The following LRP6 variants were observed in gnomAD, a reference collection of about 807,000 sequenced individuals.
The protein encoded by LRP6 is low-density lipoprotein receptor-related protein 6.
LRP6 carries 43 observed loss-of-function variants against 184.1 expected under a neutral mutation model. The ratio of observed to expected loss-of-function variants is 0.23; its 90% CI spans 0.18 to 0.30. The LOEUF is 0.30. Among genes scored for constraint, LRP6 ranks in the 10% least tolerant of loss-of-function variants. The pLI is 1.00. For missense variants in LRP6, 1,571 were observed against 2,005.3 expected (o/e 0.78, Z 4.14); for synonymous variants, 719 against 684.9 (o/e 1.05, Z -0.78).
chr12:12,193,225 T>C (rs1471095598), intron 3 of LRP6, among the ~76,000 whole-genome samples: 3 of 151,686 alleles, frequency 2.0e-5, no homozygotes, highest in African/African-American at 7.3e-5. Context: ...AAATACAAAA[T>C]ATGGAAACGT....
chr12:12,229,910 G>A (rs1864736933), intron 2 of LRP6, among the ~76,000 whole-genome samples: 1 of 152,262 alleles, frequency 6.6e-6, no homozygotes, highest in South Asian at 2.1e-4. Flanking sequence ...ATATGTACTT[G>A]ATAATGATTA....
chr12:12,212,976 G>A lies in LRP6; in HGVS notation c.450-9576C>T, dbSNP rs554336885. Among the ~76,000 whole-genome samples, 3 of 152,104 alleles carry A rather than the reference G, an allele frequency of 2.0e-5. No homozygotes were observed. The East Asian group carries it at 5.8e-4, about 29-fold the overall frequency. On this transcript the variant is annotated intron_variant, in intron 2 of 22. Transcript: ENST00000261349. ...AAATGCCAAAGAAATGTGTCACTGT[G>A]GATATTATAAAGATATTGTTGAATA...
chr12:12,207,463 G>A (rs2137052524), intron 2 of LRP6, among the ~76,000 whole-genome samples: 1 of 152,254 alleles, frequency 6.6e-6, no homozygotes, highest in Non-Finnish European at 1.5e-5. Context: ...GAACCTGGGA[G>A]GCAGAGGATG....
intron 1 of LRP6, among the ~76,000 whole-genome samples, chr12:12,252,692 T>C (rs1184354031): frequency 6.6e-6 from 1 of 152,172 alleles, no homozygotes. Flanking sequence ...TTCTTTAATC[T>C]TCTAGGTTGG....
chr12:12,170,230 T>C (rs929178859), intron 7 of LRP6, among the ~76,000 whole-genome samples: 1 of 151,980 alleles, frequency 6.6e-6, no homozygotes, highest in Non-Finnish European at 1.5e-5. Context: ...AGCTAGTCGG[T>C]AGGCTGAGGC....
chr12:12,234,046 T>C (rs1864865376), intron 2 of LRP6, among the ~76,000 whole-genome samples: 1 of 151,636 alleles, frequency 6.6e-6, no homozygotes, highest in Non-Finnish European at 1.5e-5. Flanking sequence ...TTCCGGCACT[T>C]TGGGAGGCCG....
At chr12:12,223,270 G>C (rs1308003602) in intron 2 of LRP6, among the ~76,000 whole-genome samples, 1 of 151,086 alleles carries the variant, frequency 6.6e-6, no homozygotes, top group Non-Finnish European at 1.5e-5. Context: ...CTCCCAGAAT[G>C]ACTGGGAAAT....
intron 2 of LRP6, among the ~76,000 whole-genome samples, chr12:12,221,679 C>G (rs1458886670): frequency 6.6e-6 from 1 of 152,164 alleles, no homozygotes; most frequent in Non-Finnish European, 1.5e-5. Context: ...GGCTTAGAAC[C>G]AGTGAAGAGG....
intron 9 of LRP6, 128 bp downstream of exon 9, chr12:12,164,145 A>AG: frequency 1.2e-6 from 1 of 824,576 alleles, no homozygotes; most frequent in East Asian, 2.6e-5. Context: ...AAAAAAAAAA[A>AG]CTTGAGGGTT....
At chr12:12,145,338 TG>T (rs1465760548) in intron 15 of LRP6, among the ~76,000 whole-genome samples, 4 of 151,632 alleles carry the variant, frequency 2.6e-5, no homozygotes, top group East Asian at 3.9e-4. Context: ...AAAAAAAATG[TG>T]AAAAAAAGAT....
chr12:12,152,325 T>C (rs1950093229), intron 12 of LRP6, among the ~76,000 whole-genome samples: 1 of 152,130 alleles, frequency 6.6e-6, no homozygotes, highest in East Asian at 1.9e-4. Flanking sequence ...ATCAACCGCA[T>C]GAAAATGAAC....
At chr12:12,135,408 A>C (rs776873585) in intron 16 of LRP6, 108 bp from the exon 17 acceptor site, 5 of 698,896 alleles carry the variant, frequency 7.2e-6, no homozygotes, top group Non-Finnish European at 1.3e-5. Flanking sequence ...TATGAAAATC[A>C]AATGTATAAT....
At chr12:12,126,603 G>A in intron 20 of LRP6, 88 bp downstream of exon 20, 1 of 1,023,610 alleles carries the variant, frequency 9.8e-7, no homozygotes, top group South Asian at 1.3e-5. Flanking sequence ...GTTTCAGACA[G>A]ACTCTAGGTA....
intron 11 of LRP6, 24 bp downstream of exon 11, chr12:12,159,756 T>G: frequency 6.2e-7 from 1 of 1,611,180 alleles, no homozygotes; most frequent in Non-Finnish European, 8.5e-7. Flanking sequence ...ATATACTGTT[T>G]GAGTAAAAAG....
At chr12:12,184,152 T>G in intron 4 of LRP6, 41 bp from the exon 5 acceptor site, 1 of 1,578,204 alleles carries the variant, frequency 6.3e-7, no homozygotes, top group Non-Finnish European at 8.7e-7. Context: ...CAATGATTAC[T>G]AAGTACACAA....
intron 12 of LRP6, among the ~76,000 whole-genome samples, chr12:12,157,979 C>G (rs533625690): frequency 1.6e-4 from 24 of 152,134 alleles, no homozygotes; most frequent in Non-Finnish European, 3.5e-4. Context: ...GGGAGTCACA[C>G]ACACAAAAAA....
At chr12:12,144,269 G>A (rs773459714) in intron 15 of LRP6, among the ~76,000 whole-genome samples, 5 of 152,192 alleles carry the variant, frequency 3.3e-5, no homozygotes, top group Non-Finnish European at 5.9e-5. Context: ...GAGTGCAGTG[G>A]TGCAATCATG....
chr12:12,136,503 G>A (rs1949842697), intron 16 of LRP6, among the ~76,000 whole-genome samples: 1 of 152,116 alleles, frequency 6.6e-6, no homozygotes, highest in Non-Finnish European at 1.5e-5. Flanking sequence ...AAACCACTAG[G>A]CAACTTTTCA....
intron 7 of LRP6, among the ~76,000 whole-genome samples, chr12:12,171,435 T>C (rs1188886005): frequency 6.6e-6 from 1 of 151,966 alleles, no homozygotes; most frequent in Non-Finnish European, 1.5e-5. Flanking sequence ...GGCAGGAGGA[T>C]GGCGTGAACC....
Sources: allele counts gnomAD v4.1 joint callset (sites outside exome capture counted in the v4.1 genomes callset), GRCh38; gene constraint gnomAD v4.1.1; transcripts MANE v1.5; gene names NCBI Gene and HGNC (gene_info 2026-07-23, HGNC 2026-07-21).